The following SLC35F3 variants were observed in gnomAD, a reference collection of about 807,000 sequenced individuals.
The protein encoded by SLC35F3 is putative thiamine transporter SLC35F3.
SLC35F3 carries 25 observed loss-of-function variants against 49.9 expected under a neutral mutation model. The ratio of observed to expected loss-of-function variants is 0.50; its 90% CI spans 0.37 to 0.70. The LOEUF (loss-of-function observed/expected upper bound fraction) is 0.70, where lower values mean the gene tolerates loss of function less well. Among genes scored for constraint, SLC35F3 ranks in the 30% least tolerant of loss-of-function variants. The pLI, the probability that SLC35F3 is intolerant of heterozygous loss-of-function variation, is 0.00. For missense variants in SLC35F3, 525 were observed against 639.8 expected, an observed-to-expected ratio of 0.82 and a Z score of 1.94; for synonymous variants, 275 against 265.4, an observed-to-expected ratio of 1.04 and a Z score of -0.35.
chr1:234,119,323 C>T (rs551445254), intron 2 of SLC35F3, among the ~76,000 whole-genome samples: 4 of 148,474 alleles, frequency 2.7e-5, no homozygotes, highest in South Asian at 2.1e-4. Flanking sequence ...TTTCTGAAAG[C>T]GTTCAAACAA....
intron 3 of SLC35F3, among the ~76,000 whole-genome samples, chr1:234,236,925 T>TTACATATATATA (rs1667480594): frequency 1.0e-5 from 1 of 96,294 alleles, no homozygotes; most frequent in Non-Finnish European, 2.0e-5. Context: ...AAAAAAAAAA[T>TTACATATATATA]TATATATATA....
intron 3 of SLC35F3, among the ~76,000 whole-genome samples, chr1:234,295,433 C>T (rs983322127): frequency 2.6e-5 from 4 of 152,184 alleles, no homozygotes; most frequent in African/African-American, 9.6e-5. Context: ...TTCATGGTGA[C>T]AAATGCAAAG....
intron 2 of SLC35F3, among the ~76,000 whole-genome samples, chr1:233,969,764 AACT>A (rs1379372501): frequency 6.6e-6 from 1 of 152,178 alleles, no homozygotes; most frequent in Non-Finnish European, 1.5e-5. Context: ...TGAGTTCCAT[AACT>A]ATGCAAGCCA....
At chr1:234,285,347 G>C (rs1014902629) in intron 3 of SLC35F3, 18 of 483,830 alleles carry the variant, frequency 3.7e-5, no homozygotes, top group African/African-American at 3.2e-4. Flanking sequence ...GCAGGGTTCA[G>C]ATGAGGCCAG....
intron 2 of SLC35F3, among the ~76,000 whole-genome samples, chr1:234,098,497 C>T (rs1374403496): frequency 2.2e-5 from 3 of 136,488 alleles, no homozygotes; most frequent in Non-Finnish European, 4.6e-5. Flanking sequence ...TTGGTGGTGG[C>T]AGTTCGGATG....
chr1:234,122,577 C>T (rs561220520), intron 2 of SLC35F3, among the ~76,000 whole-genome samples: 1 of 152,166 alleles, frequency 6.6e-6, no homozygotes, highest in African/African-American at 2.4e-5. Flanking sequence ...GGTTTTAAGC[C>T]CCATATGCAT....
intron 2 of SLC35F3, among the ~76,000 whole-genome samples, chr1:233,983,961 G>A (rs1663225206): frequency 6.6e-6 from 1 of 152,156 alleles, no homozygotes; most frequent in Admixed American, 6.5e-5. Flanking sequence ...GAAAGCTCAG[G>A]AACTAGGATT....
At chr1:233,970,491 A>G (rs1007068979) in intron 2 of SLC35F3, among the ~76,000 whole-genome samples, 9 of 152,200 alleles carry the variant, frequency 5.9e-5, no homozygotes, top group East Asian at 1.9e-4. Flanking sequence ...GGAAAAGGAC[A>G]TGAATTTAGG....
intron 3 of SLC35F3, among the ~76,000 whole-genome samples, chr1:234,271,931 C>T (rs1260226568): frequency 6.6e-6 from 1 of 152,078 alleles, no homozygotes; most frequent in Non-Finnish European, 1.5e-5. Context: ...TCAAGACCAG[C>T]CTGGACAACA....
At chr1:233,946,617 G>C (rs1558185868) in intron 2 of SLC35F3, among the ~76,000 whole-genome samples, 1 of 152,188 alleles carries the variant, frequency 6.6e-6, no homozygotes, top group Non-Finnish European at 1.5e-5. Flanking sequence ...TGTAAGACCA[G>C]TGGTGTACGT....
intron 3 of SLC35F3, among the ~76,000 whole-genome samples, chr1:234,307,792 C>T (rs1173884840): frequency 6.6e-6 from 1 of 152,182 alleles, no homozygotes; most frequent in Non-Finnish European, 1.5e-5. Flanking sequence ...TGGACAGGGA[C>T]TTCCATGAAG....
chr1:234,276,943 G>A (rs1447784961), intron 3 of SLC35F3, among the ~76,000 whole-genome samples: 1 of 152,256 alleles, frequency 6.6e-6, no homozygotes, highest in African/African-American at 2.4e-5. Context: ...GAAGCAGGTG[G>A]AGGGCAAGAG....
Position 234,083,410 on chromosome 1 carries a change from C to T in SLC35F3, c.284-148007C>T, listed in dbSNP as rs1664912012. ...TTTTTTCATTTTGTTTTCTGACACA[C>T]ATTGCTCTGTTGTGCATTGGCATTC... On this transcript the variant is annotated intron_variant, in intron 2 of 7. Coordinates refer to ENST00000366618, the MANE Select transcript of SLC35F3 (RefSeq NM_173508.4). Among the ~76,000 whole-genome samples the T allele has an allele frequency of 2.6e-5, 4 of 152,196 alleles. No homozygotes were observed. The South Asian group carries it at 8.3e-4, about 31-fold the overall frequency.
intron 2 of SLC35F3, among the ~76,000 whole-genome samples, chr1:233,915,506 C>T (rs1213179073): frequency 1.3e-5 from 2 of 152,122 alleles, no homozygotes; most frequent in African/African-American, 4.8e-5. Flanking sequence ...TGTATGATTG[C>T]ACCACTGCAT....
intron 2 of SLC35F3, among the ~76,000 whole-genome samples, chr1:233,906,035 C>G (rs1009005493): frequency 1.3e-5 from 2 of 152,234 alleles, no homozygotes; most frequent in African/African-American, 4.8e-5. Flanking sequence ...GGAGGACACT[C>G]CTATGTGGCA....
intron 2 of SLC35F3, among the ~76,000 whole-genome samples, chr1:234,230,556 A>G (rs1288411067): frequency 1.3e-5 from 2 of 152,238 alleles, no homozygotes; most frequent in East Asian, 1.9e-4. Context: ...TTAAATTTCC[A>G]GCTGACTGAC....
At position 234,077,153 on chromosome 1, in the gene SLC35F3, C is replaced by T. The variant is rs566572278; in HGVS notation, c.284-154264C>T. Among the ~76,000 whole-genome samples the T allele has an allele frequency of 1.3e-3, 197 of 151,440 alleles. 1 individual carries two copies. Among genetic ancestry groups the T allele is most frequent in the Middle Eastern group, 6.8e-3 (2 of 292 alleles). On this transcript the variant is annotated intron_variant, in intron 2 of 7. Transcript: ENST00000366618. The stretch of plus-strand genomic sequence containing the variant: ...CCCAGTAGCTGGGACTACAGGCGCC[C>T]GCCACCGCGCCCGGCTAATTTTTTG...
chr1:234,236,947 AT>A (rs1220282258), intron 3 of SLC35F3, among the ~76,000 whole-genome samples: 1 of 133,804 alleles, frequency 7.5e-6, no homozygotes, highest in Non-Finnish European at 1.6e-5. Context: ...ATATATATAT[AT>A]ATATATATAT....
intron 2 of SLC35F3, among the ~76,000 whole-genome samples, chr1:233,923,333 C>G (rs1407858154): frequency 1.3e-5 from 2 of 152,144 alleles, no homozygotes; most frequent in African/African-American, 2.4e-5. Flanking sequence ...TTGAGCAGTG[C>G]TTTGTAGTTC....
Sources: gnomAD v4.1 joint callset for allele counts (sites outside exome capture counted in the v4.1 genomes callset) on GRCh38, gnomAD v4.1.1 for gene constraint, MANE v1.5 for transcripts, NCBI Gene and HGNC (gene_info 2026-07-23, HGNC 2026-07-21) for gene names.